Variants in ZNF141 observed in about 807,000 individuals in gnomAD.
The protein encoded by ZNF141 is zinc finger protein 141.
ZNF141 carries 7 observed loss-of-function variants against 11.3 expected under a neutral mutation model. The observed-to-expected ratio is 0.62, with a 90% CI of 0.35 to 1.16. The LOEUF is 1.16. Ranked by LOEUF, ZNF141 falls within the 50% of genes most tolerant of loss-of-function variation. The pLI is 0.02. For synonymous variants in ZNF141, 183 were observed against 190.7 expected (o/e 0.96, Z 0.33); for missense variants, 535 against 554.0 (o/e 0.97, Z 0.34).
intron 3 of ZNF141, among the ~76,000 whole-genome samples, chr4:370,557 C>T (rs553983203): frequency 6.6e-5 from 10 of 152,226 alleles, no homozygotes; most frequent in African/African-American, 1.7e-4. Flanking sequence ...TTTCTCTTGT[C>T]TGAAAAAATG....
intron 3 of ZNF141, among the ~76,000 whole-genome samples, chr4:367,125 ATCT>A (rs1386605077): frequency 6.6e-6 from 1 of 152,202 alleles, no homozygotes; most frequent in Non-Finnish European, 1.5e-5. Flanking sequence ...AAGAGCAGAA[ATCT>A]TCTTTTTTTG....
intron 3 of ZNF141, among the ~76,000 whole-genome samples, chr4:363,768 A>G (rs1446538007): frequency 2.7e-5 from 4 of 146,720 alleles, no homozygotes; most frequent in African/African-American, 1.1e-4. Context: ...CAAAAAAAAA[A>G]AAAGGCGGGG....
intron 3 of ZNF141, among the ~76,000 whole-genome samples, chr4:352,624 T>G (rs1721655103): frequency 6.6e-6 from 1 of 152,128 alleles, no homozygotes; most frequent in South Asian, 2.1e-4. Flanking sequence ...AAAAGGGTAT[T>G]TCTTTGCAAT....
At chr4:343,456 T>C (rs919868192) in intron 1 of ZNF141, among the ~76,000 whole-genome samples, 1 of 152,194 alleles carries the variant, frequency 6.6e-6, no homozygotes, top group East Asian at 1.9e-4. Context: ...CTGGGCGCAG[T>C]GGCTCACGCC....
In ZNF141 at chr4:337,816, C is replaced by CT; in HGVS notation, c.-165dup. The CT allele has an allele frequency of 3.7e-6, 3 of 813,116 alleles. No homozygotes were observed. The highest frequency in any genetic ancestry group is 6.0e-6 in the Non-Finnish European group (3 of 499,988). The allele number at this position is 813,116 out of a possible 1,614,324, so 50.4% of individuals were successfully genotyped here. On this transcript the variant is annotated 5_prime_UTR_variant, in exon 1 of 4. Transcript: ENST00000240499. The stretch of plus-strand genomic sequence containing the variant: ...GTGGCTTCCGGGATGTGGCGCGGGT[C>CT]TTTGCGTCTGGCTACTACCAGACCG...
chr4:371,601 A>G (rs942369744), intron 3 of ZNF141, among the ~76,000 whole-genome samples: 1 of 149,460 alleles, frequency 6.7e-6, no homozygotes, highest in Non-Finnish European at 1.5e-5. Flanking sequence ...GTGCAGTGGC[A>G]TGATCTCGGC....
rs781812871 is a variant in ZNF141, at chr4:383,133, T to G, written c.*9271T>G. On this transcript the variant is annotated 3_prime_UTR_variant, in exon 4 of 4. Coordinates refer to ENST00000240499, the MANE Select transcript of ZNF141 (RefSeq NM_003441.4). ...CTATGACAACAAGCCCATTTTAGCTTTCTGGAGAATAGCATCTGAGAAAAG... is the reference window on the plus strand; with the variant it reads ...CTATGACAACAAGCCCATTTTAGCTGTCTGGAGAATAGCATCTGAGAAAAG... 6 of 701,714 alleles carry G rather than the reference T, an allele frequency of 8.6e-6. No individual in the cohort carries two copies. Among genetic ancestry groups the G allele is most frequent in the Non-Finnish European group, 1.6e-5 (6 of 384,618 alleles). The allele number at this position is 701,714 out of a possible 1,614,324, so 43.5% of individuals were successfully genotyped here. A position where few individuals can be genotyped will look rare whatever the true frequency, so the allele number is the denominator to read the frequency against.
At position 380,408 on chromosome 4, in the gene ZNF141, C is replaced by T. The variant is rs1169866759; in HGVS notation, c.*6546C>T. On this transcript the variant is annotated 3_prime_UTR_variant, in exon 4 of 4. Transcript: ENST00000240499. ...GTGGCTCACACCTGTAATCCCAGCACTTTGGGCGCCCAAGGCAGGTGGATC... is the reference window on the plus strand; with the variant it reads ...GTGGCTCACACCTGTAATCCCAGCATTTTGGGCGCCCAAGGCAGGTGGATC... Among the ~76,000 whole-genome samples the T allele has an allele frequency of 6.6e-6, 1 of 152,134 alleles. No homozygotes were observed. The highest frequency in any genetic ancestry group is 2.4e-5 in the African/African-American group (1 of 41,426).
chr4:359,938 G>T (rs1722028161), intron 3 of ZNF141, among the ~76,000 whole-genome samples: 1 of 152,154 alleles, frequency 6.6e-6, no homozygotes, highest in African/African-American at 2.4e-5. Flanking sequence ...ACATCTAAAG[G>T]CCTTTCACCT....
chr4:380,611 C>T lies in ZNF141; in HGVS notation c.*6749C>T, dbSNP rs1712567193. Among the ~76,000 whole-genome samples the T allele has an allele frequency of 6.6e-6, 1 of 151,798 alleles. No homozygotes were observed. ...AGATTGCAGTGAGCCAAGATCATGC[C>T]ATTGCACTCCAGCCTGGGTGACAAG... is the stretch of plus-strand genomic sequence containing the variant. On this transcript the variant is annotated 3_prime_UTR_variant, in exon 4 of 4. Transcript: ENST00000240499.
In ZNF141 at chr4:343,776, T is replaced by C. The variant is rs1003484381; in HGVS notation, c.4-6T>C. On this transcript the variant is annotated splice_polypyrimidine_tract_variant and splice_region_variant and intron_variant, in intron 1 of 3. Coordinates refer to ENST00000240499, the MANE Select transcript of ZNF141 (RefSeq NM_003441.4). ...ACTATGTCCCTTGATATATTTGTAT[T>C]TTCAGGAACTCTTAACATTCAGGGA... 3.2e-6 allele frequency: 5 copies of C among 1,573,040 alleles called. No homozygotes were observed. The highest frequency in any genetic ancestry group is 4.3e-6 in the Non-Finnish European group (5 of 1,168,770).
In ZNF141 at chr4:372,727, A is replaced by G; in HGVS notation, c.290A>G (p.Lys97Arg). The change falls in exon 4 of 4, where the codon AAA (lysine) becomes AGA (arginine). Residue 97 changes from lysine (K) to arginine (R), a missense_variant. Coordinates refer to ENST00000240499, the MANE Select transcript of ZNF141 (RefSeq NM_003441.4). Reference protein sequence around the residue: ...PVQGIEDSFHKLILRRYEKCG... With the variant: ...PVQGIEDSFHRLILRRYEKCG... ...CAGGGCATAGAAGATTCATTCCACA[A>G]ACTTATACTGAGAAGATATGAGAAA... 4 of 1,611,928 alleles carry G rather than the reference A, an allele frequency of 2.5e-6. No homozygotes were observed. The highest frequency in any genetic ancestry group is 3.3e-5 in the Admixed American group (2 of 59,762).
chr4:355,513 A>AT (rs1373743002), intron 3 of ZNF141, among the ~76,000 whole-genome samples: 9 of 151,966 alleles, frequency 5.9e-5, no homozygotes, highest in African/African-American at 2.2e-4. Flanking sequence ...GCTATGACAG[A>AT]TTTTTTTCTA....
rs996242331 is a variant in ZNF141 at position 368,387 on chromosome 4, G to A, written c.227-4277G>A. Among the ~76,000 whole-genome samples, 8 of 151,836 alleles carry A rather than the reference G, an allele frequency of 5.3e-5. No individual in the cohort carries two copies. The East Asian group carries it at 9.7e-4, about 18-fold the overall frequency. On this transcript the variant is annotated intron_variant, in intron 3 of 3. Coordinates refer to ENST00000240499, the MANE Select transcript of ZNF141 (RefSeq NM_003441.4). ...CACCCAAGTAGCTGGGATTACAGAC[G>A]TGCACCACCACACCCATCTAATTTT...
At chr4:338,062 G>T in intron 1 of ZNF141, 76 bp downstream of exon 1, 1 of 1,596,946 alleles carries the variant, frequency 6.3e-7, no homozygotes, top group Non-Finnish European at 8.6e-7. Context: ...GCGGGACCGA[G>T]TCTGCGAACG....
rs782057041 is a variant in ZNF141, at chr4:372,886, G to A, written c.449G>A (p.Ser150Asn). 1.9e-6 allele frequency: 3 copies of A among 1,613,348 alleles called. No individual in the cohort carries two copies. The highest frequency in any genetic ancestry group is 2.5e-6 in the Non-Finnish European group (3 of 1,179,566). The change falls in exon 4 of 4, where the codon AGT (serine) becomes AAT (asparagine). Residue 150 changes from serine to asparagine, a missense_variant. By Grantham distance (46) the Ser-to-Asn change is conservative (BLOSUM62 1). Transcript: ENST00000240499. ...AGCAAAATACTTCAGTGTAAAGCAA[G>A]TGTCAAAGTTGTTAGTAAATTTTCA... ...TQSKILQCKA[S>N]VKVVSKFSNS...
In ZNF141 at chr4:372,666, A is replaced by G. The variant is rs781814316; in HGVS notation, c.229A>G (p.Met77Val). 41 of 1,510,000 alleles carry G rather than the reference A, an allele frequency of 2.7e-5. No individual in the cohort carries two copies. Among genetic ancestry groups the G allele is most frequent in the Non-Finnish European group, 3.4e-5 (38 of 1,127,762 alleles). 93.5% of individuals were successfully genotyped at this position (1,510,000 alleles called of 1,614,324 possible). The change falls in exon 4 of 4, where the codon ATG becomes GTG. Residue 77 changes from methionine (M) to valine (V), a missense_variant and splice_region_variant. By Grantham distance (21) the Met-to-Val change is conservative. Coordinates refer to ENST00000240499, the MANE Select transcript of ZNF141 (RefSeq NM_003441.4). ...TTTGTAATTTTTATTTCTTTCAGCTATGTGTTCTCATTTCACCCAAGACCA... is the reference window on the plus strand; with the variant it reads ...TTTGTAATTTTTATTTCTTTCAGCTGTGTGTTCTCATTTCACCCAAGACCA... ...IHKIVARPPA[M>V]CSHFTQDHWP...
At chr4:343,019 GCATGA>G in intron 1 of ZNF141, 5 of 630,858 alleles carry the variant, frequency 7.9e-6, no homozygotes, top group East Asian at 3.6e-5. Flanking sequence ...AAAGTTCCTT[GCATGA>G]TTAAAAAAGT....
chr4:342,786 T>C, intron 1 of ZNF141: 2 of 1,558,722 alleles, frequency 1.3e-6, no homozygotes, highest in Non-Finnish European at 1.8e-6. Context: ...CCCAGATTTA[T>C]TGAAAATAAT....
Sources: gnomAD v4.1 joint callset for allele counts (sites outside exome capture counted in the v4.1 genomes callset) on GRCh38, gnomAD v4.1.1 for gene constraint, MANE v1.5 for transcripts, NCBI Gene and HGNC (gene_info 2026-07-23, HGNC 2026-07-21) for gene names.